Variants in NR2F1-AS1 observed in about 807,000 individuals in gnomAD.
NR2F1-AS1 encodes NR2F1 antisense RNA 1.
intron 4 of NR2F1-AS1, among the ~76,000 whole-genome samples, chr5:93,437,842 T>G (rs1408597615): frequency 6.6e-6 from 1 of 152,212 alleles, no homozygotes; most frequent in Non-Finnish European, 1.5e-5. Context: ...ATACCAAATA[T>G]TCCTTCAAAA....
At chr5:93,581,532 G>A (rs1447089778), upstream of NR2F1-AS1, among the ~76,000 whole-genome samples, 1 of 151,942 alleles carries the variant, frequency 6.6e-6, no homozygotes. Flanking sequence ...GCTGTGTGCC[G>A]CCCGGGAGCG....
intron 4 of NR2F1-AS1, chr5:93,410,802 T>C (rs915755941): frequency 3.3e-5 from 5 of 152,010 alleles, no homozygotes; most frequent in African/African-American, 9.7e-5. Context: ...AGACAATCTA[T>C]ACCTAAGGGG....
chr5:93,419,475 C>T (rs1195876167), intron 4 of NR2F1-AS1, among the ~76,000 whole-genome samples: 1 of 152,216 alleles, frequency 6.6e-6, no homozygotes, highest in Non-Finnish European at 1.5e-5. Context: ...AAGAGAATCA[C>T]TTGTGCCCAG....
chr5:93,552,056 T>C (rs1380988360), intron 4 of NR2F1-AS1, among the ~76,000 whole-genome samples: 3 of 152,186 alleles, frequency 2.0e-5, no homozygotes, highest in South Asian at 4.1e-4. Flanking sequence ...ATTCCACAAA[T>C]GCTCATTAAG....
intron 4 of NR2F1-AS1, among the ~76,000 whole-genome samples, chr5:93,521,601 CAT>C (rs1167478794): frequency 2.0e-5 from 3 of 152,048 alleles, no homozygotes; most frequent in African/African-American, 4.8e-5. Context: ...AGCCAACAAA[CAT>C]ATGAAAAAAA....
At chr5:93,530,035 T>C (rs10055670) in intron 4 of NR2F1-AS1, among the ~76,000 whole-genome samples, 16 of 151,658 alleles carry the variant, frequency 1.1e-4, no homozygotes, top group Non-Finnish European at 1.5e-4. Flanking sequence ...TTATTTCTAA[T>C]TTAGATTAGA....
intron 4 of NR2F1-AS1, among the ~76,000 whole-genome samples, chr5:93,448,696 A>C (rs756190909): frequency 6.6e-6 from 1 of 152,244 alleles, no homozygotes; most frequent in Non-Finnish European, 1.5e-5. Context: ...GCTCAAGTCC[A>C]AAGGCATGAA....
intron 4 of NR2F1-AS1, among the ~76,000 whole-genome samples, chr5:93,529,657 T>C (rs1751693486): frequency 6.6e-6 from 1 of 152,156 alleles, no homozygotes; most frequent in African/African-American, 2.4e-5. Flanking sequence ...GGTTTCCTTG[T>C]TCTCAATTCA....
intron 4 of NR2F1-AS1, among the ~76,000 whole-genome samples, chr5:93,448,853 C>A (rs75986182): frequency 0.017 from 2,513 of 152,260 alleles, 75 homozygotes; most frequent in African/African-American, 0.057. Flanking sequence ...TTCAAATGCT[C>A]ATCTCAGCCA....
chr5:93,541,005 C>T (rs1397455160), intron 4 of NR2F1-AS1, among the ~76,000 whole-genome samples: 2 of 152,162 alleles, frequency 1.3e-5, no homozygotes, highest in Non-Finnish European at 2.9e-5. Flanking sequence ...AACGTTAGCC[C>T]TCACTTTTTC....
chr5:93,470,964 A>G (rs1750353042), intron 4 of NR2F1-AS1, among the ~76,000 whole-genome samples: 1 of 151,878 alleles, frequency 6.6e-6, no homozygotes, highest in African/African-American at 2.4e-5. Flanking sequence ...ACAAAAATCA[A>G]GATATGACTA....
intron 1 of NR2F1-AS1, among the ~76,000 whole-genome samples, chr5:93,567,796 G>C (rs2149924728): frequency 6.6e-6 from 1 of 152,320 alleles, no homozygotes; most frequent in South Asian, 2.1e-4. Context: ...TTCTTCCACA[G>C]TGTGGTGAAC....
At chr5:93,572,437 C>T (rs1396641226) in intron 1 of NR2F1-AS1, among the ~76,000 whole-genome samples, 1 of 152,226 alleles carries the variant, frequency 6.6e-6, no homozygotes, top group Non-Finnish European at 1.5e-5. Flanking sequence ...GCGACATGCC[C>T]CCGGCTCCGT....
At chr5:93,496,395 T>C (rs915143228) in intron 4 of NR2F1-AS1, among the ~76,000 whole-genome samples, 2 of 152,174 alleles carry the variant, frequency 1.3e-5, no homozygotes, top group African/African-American at 4.8e-5. Context: ...AAAATCAGCA[T>C]GTGAGACACG....
At chr5:93,418,244 CT>C (rs1437134297) in intron 4 of NR2F1-AS1, among the ~76,000 whole-genome samples, 1 of 152,140 alleles carries the variant, frequency 6.6e-6, no homozygotes, top group African/African-American at 2.4e-5. Context: ...CGAGGACCAG[CT>C]TGAGGTTTGC....
At chr5:93,454,962 TATACCC>T (rs1749915421) in intron 4 of NR2F1-AS1, among the ~76,000 whole-genome samples, 1 of 152,078 alleles carries the variant, frequency 6.6e-6, no homozygotes, top group Non-Finnish European at 1.5e-5. Flanking sequence ...CTATAATAAA[TATACCC>T]ATTTACTGAA....
At chr5:93,495,660 C>CT (rs1750944041) in intron 4 of NR2F1-AS1, among the ~76,000 whole-genome samples, 1 of 151,936 alleles carries the variant, frequency 6.6e-6, no homozygotes, top group East Asian at 1.9e-4. Flanking sequence ...AGTTTTGAAT[C>CT]TTTAACATAA....
intron 1 of NR2F1-AS1, among the ~76,000 whole-genome samples, chr5:93,569,684 A>C (rs1460589808): frequency 6.6e-6 from 1 of 152,232 alleles, no homozygotes; most frequent in African/African-American, 2.4e-5. Flanking sequence ...CCACAGTGTA[A>C]CCAAATGACT....
chr5:93,522,912 G>C (rs1751532908), intron 4 of NR2F1-AS1, among the ~76,000 whole-genome samples: 1 of 152,030 alleles, frequency 6.6e-6, no homozygotes, highest in Non-Finnish European at 1.5e-5. Context: ...CACAAACCTG[G>C]GCAGCCGTTT....
Sources: allele counts gnomAD v4.1 joint callset (sites outside exome capture counted in the v4.1 genomes callset), GRCh38; gene constraint gnomAD v4.1.1; transcripts MANE v1.5; gene names NCBI Gene and HGNC (gene_info 2026-07-23, HGNC 2026-07-21).